Variants in CPA6 observed in about 807,000 individuals in gnomAD.
CPA6 encodes the protein carboxypeptidase A6, also known as carboxypeptidase B.
Under a neutral mutation model 63.3 loss-of-function variants are expected in CPA6, and 58 were observed. That is an observed-to-expected ratio of 0.92 (90% CI 0.74 to 1.14). CPA6 has a LOEUF of 1.14. Ranked by LOEUF, CPA6 falls within the 50% of genes most tolerant of loss-of-function variation. The probability of loss-of-function intolerance (pLI) is 0.00; values close to 1 mark genes in which losing one functional copy is unlikely to be tolerated. For synonymous variants in CPA6, 185 were observed against 179.0 expected (o/e 1.03, Z -0.27); for missense variants, 565 against 526.6 (o/e 1.07, Z -0.71).
chr8:67,492,708 T>C (rs1014631057), intron 6 of CPA6, among the ~76,000 whole-genome samples: 8 of 152,196 alleles, frequency 5.3e-5, no homozygotes, highest in African/African-American at 1.4e-4. Flanking sequence ...GCCACTTTTA[T>C]AGTCTGGTGC....
intron 1 of CPA6, among the ~76,000 whole-genome samples, chr8:67,634,805 C>T (rs559858513): frequency 6.6e-6 from 1 of 151,664 alleles, no homozygotes; most frequent in African/African-American, 2.4e-5. Context: ...AGTCACAATC[C>T]CTGTGAGATA....
chr8:67,504,250 A>G (rs1017358022), intron 6 of CPA6, among the ~76,000 whole-genome samples: 1 of 152,204 alleles, frequency 6.6e-6, no homozygotes, highest in Non-Finnish European at 1.5e-5. Flanking sequence ...TCACATTTGC[A>G]TAAGGATGTA....
At chr8:67,550,477 T>C (rs1319412013) in intron 2 of CPA6, among the ~76,000 whole-genome samples, 1 of 152,244 alleles carries the variant, frequency 6.6e-6, no homozygotes, top group African/African-American at 2.4e-5. Flanking sequence ...ATGACTTTGC[T>C]ATTGTGAATA....
intron 1 of CPA6, among the ~76,000 whole-genome samples, chr8:67,740,897 C>T (rs942212268): frequency 2.0e-5 from 3 of 152,126 alleles, no homozygotes; most frequent in Non-Finnish European, 4.4e-5. Context: ...AAAAATCTTA[C>T]TTCAAGTCTA....
At chr8:67,436,580 G>A (rs1420769611) in intron 8 of CPA6, among the ~76,000 whole-genome samples, 1 of 152,118 alleles carries the variant, frequency 6.6e-6, no homozygotes, top group Non-Finnish European at 1.5e-5. Flanking sequence ...ATCCAAACTA[G>A]TTGTGTAAAA....
At chr8:67,601,780 A>T (rs979762598) in intron 2 of CPA6, among the ~76,000 whole-genome samples, 2 of 152,168 alleles carry the variant, frequency 1.3e-5, no homozygotes, top group Non-Finnish European at 2.9e-5. Flanking sequence ...TTCTGGTGGG[A>T]GTGTGAACTG....
intron 8 of CPA6, among the ~76,000 whole-genome samples, chr8:67,477,722 C>A (rs1811273658): frequency 6.6e-6 from 1 of 152,160 alleles, no homozygotes; most frequent in South Asian, 2.1e-4. Flanking sequence ...CCAGAAGTTA[C>A]CTGGATCAGA....
At chr8:67,528,187 A>G (rs1462857688) in intron 2 of CPA6, among the ~76,000 whole-genome samples, 2 of 152,244 alleles carry the variant, frequency 1.3e-5, no homozygotes, top group Non-Finnish European at 2.9e-5. Flanking sequence ...CAGAGAGGAC[A>G]CACTACTGTT....
intron 2 of CPA6, among the ~76,000 whole-genome samples, chr8:67,603,560 A>C (rs549551395): frequency 6.6e-6 from 1 of 152,334 alleles, no homozygotes; most frequent in South Asian, 2.1e-4. Flanking sequence ...TGTTGAAAAA[A>C]GTTGAAGACA....
intron 2 of CPA6, among the ~76,000 whole-genome samples, chr8:67,548,306 C>G (rs1204122288): frequency 6.7e-6 from 1 of 149,628 alleles, no homozygotes; most frequent in Non-Finnish European, 1.5e-5. Flanking sequence ...GCCTGGAGCA[C>G]AGCGGCATGA....
chr8:67,613,945 C>G (rs988952462), intron 2 of CPA6, among the ~76,000 whole-genome samples: 1 of 152,054 alleles, frequency 6.6e-6, no homozygotes, highest in African/African-American at 2.4e-5. Context: ...GGTGGGTCGT[C>G]GGAGAGGAGT....
chr8:67,732,628 G>A (rs1219514884), intron 1 of CPA6: 5 of 152,332 alleles, frequency 3.3e-5, no homozygotes, highest in African/African-American at 1.2e-4. Flanking sequence ...GCGCGGTCAC[G>A]GCTGATTGGT....
intron 1 of CPA6, among the ~76,000 whole-genome samples, chr8:67,700,942 A>T (rs997277611): frequency 7.2e-5 from 11 of 152,176 alleles, no homozygotes; most frequent in African/African-American, 2.7e-4. Flanking sequence ...ACACATAAAG[A>T]TATGACAATG....
intron 2 of CPA6, 50 bp from the exon 3 acceptor site, chr8:67,518,097 A>C (rs200820545): frequency 1.3e-6 from 2 of 1,481,544 alleles, no homozygotes; most frequent in South Asian, 1.5e-5. Context: ...AGGGGGGGAA[A>C]ATCTGTGTCA....
At chr8:67,706,658 C>A (rs1043354553) in intron 1 of CPA6, among the ~76,000 whole-genome samples, 1 of 151,964 alleles carries the variant, frequency 6.6e-6, no homozygotes, top group East Asian at 1.9e-4. Flanking sequence ...CTAAGTATAC[C>A]TAGTATTTAC....
At chr8:67,505,496 G>A (rs1198512766) in intron 6 of CPA6, among the ~76,000 whole-genome samples, 1 of 152,142 alleles carries the variant, frequency 6.6e-6, no homozygotes, top group African/African-American at 2.4e-5. Flanking sequence ...AACAACAGAT[G>A]TTCTGTACTT....
At chr8:67,513,758 G>A (rs1353511479) in intron 3 of CPA6, among the ~76,000 whole-genome samples, 1 of 152,114 alleles carries the variant, frequency 6.6e-6, no homozygotes. Context: ...TCGATGACAA[G>A]GCTGTGAAAT....
intron 8 of CPA6, among the ~76,000 whole-genome samples, chr8:67,460,798 G>A (rs1171674889): frequency 6.6e-6 from 1 of 152,064 alleles, no homozygotes; most frequent in African/African-American, 2.4e-5. Flanking sequence ...ATATTTTTGT[G>A]AAATGTTTTG....
intron 6 of CPA6, among the ~76,000 whole-genome samples, chr8:67,501,777 C>T (rs1811834337): frequency 6.6e-6 from 1 of 152,192 alleles, no homozygotes; most frequent in Non-Finnish European, 1.5e-5. Context: ...AGTGTTCCAA[C>T]CTCGTCTATT....
Sources: gnomAD v4.1 joint callset for allele counts (sites outside exome capture counted in the v4.1 genomes callset) on GRCh38, gnomAD v4.1.1 for gene constraint, MANE v1.5 for transcripts, NCBI Gene and HGNC (gene_info 2026-07-23, HGNC 2026-07-21) for gene names.